Variants in KIRREL3 observed in about 807,000 individuals in gnomAD.
KIRREL3 encodes the protein kirre like nephrin family adhesion molecule 3.
Under a neutral mutation model 89.7 loss-of-function variants are expected in KIRREL3, and 36 were observed. The observed-to-expected ratio is 0.40, with a 90% CI of 0.31 to 0.53. The LOEUF is 0.53. KIRREL3 is among the 20% of genes least tolerant of loss of function. KIRREL3 has a pLI of 0.49. For missense variants in KIRREL3, 864 were observed against 1,056.6 expected (o/e 0.82, Z 2.53); for synonymous variants, 445 against 441.4 (o/e 1.01, Z -0.10).
At position 126,541,590 on chromosome 11, in the gene KIRREL3, G is replaced by T. The variant is rs1201674713; in HGVS notation, c.134-14903C>A. On this transcript the variant is annotated intron_variant, in intron 2 of 16. Transcript: ENST00000525144. This position sits in a 1 kb window ranked among gnomAD's most constrained non-coding sequence, Gnocchi z 4.8. ...ACGGTTCTAAAACTTCCATGTGCAT[G>T]AGGATCACCTGGGGGACTGGCTAAA... Among the ~76,000 whole-genome samples the T allele has an allele frequency of 6.6e-6, 1 of 152,212 alleles. No homozygotes were observed. Among genetic ancestry groups the T allele is most frequent in the East Asian group, 1.9e-4 (1 of 5,204 alleles).
In KIRREL3 at chr11:126,462,420, T is replaced by A. The variant is rs1446656926; in HGVS notation, c.742+737A>T. The stretch of plus-strand genomic sequence containing the variant: ...TGGCTCACATCTGTAATCCCAGCAC[T>A]TTAGGAGGCCAAGGCGGGCGGAACA... On this transcript the variant is annotated intron_variant, in intron 6 of 16. Coordinates refer to ENST00000525144, the MANE Select transcript of KIRREL3 (RefSeq NM_032531.4). The surrounding 1 kb of genome is among the most constrained non-coding windows in gnomAD (Gnocchi z 4.8). 1.3e-5 allele frequency among the ~76,000 whole-genome samples: 2 copies of A among 152,208 alleles called. No homozygotes were observed. Among genetic ancestry groups the A allele is most frequent in the African/African-American group, 4.8e-5 (2 of 41,452 alleles).
chr11:126,516,096 A>AAACT lies in KIRREL3; in HGVS notation c.433+5215_433+5218dup, dbSNP rs1166425814. Among the ~76,000 whole-genome samples the AAACT allele has an allele frequency of 1.3e-5, 2 of 152,226 alleles. No individual in the cohort carries two copies. The highest frequency in any genetic ancestry group is 2.9e-5 in the Non-Finnish European group (2 of 68,046). On this transcript the variant is annotated intron_variant, in intron 4 of 16. Coordinates refer to ENST00000525144, the MANE Select transcript of KIRREL3 (RefSeq NM_032531.4). The surrounding 1 kb of genome is among the most constrained non-coding windows in gnomAD (Gnocchi z 4.9). ...AAGGGAGCTTGTGGTTTTGAAAAAC[A>AAACT]AACTAGTTAAGGACACGTCACAGAT...
chr11:126,749,747 A>T (rs1187987531), intron 1 of KIRREL3, among the ~76,000 whole-genome samples: 7 of 152,296 alleles, frequency 4.6e-5, no homozygotes, highest in African/African-American at 1.7e-4. Context: ...GAGGTGAGGA[A>T]GGTGAAAGTG....
In KIRREL3 at chr11:126,683,395, G is replaced by A. The variant is rs918931066; in HGVS notation, c.56-120483C>T. 1.3e-5 allele frequency among the ~76,000 whole-genome samples: 2 copies of A among 152,178 alleles called. No individual in the cohort carries two copies. Among genetic ancestry groups the A allele is most frequent in the Non-Finnish European group, 2.9e-5 (2 of 68,026 alleles). ...TCTCTGGACAGCTCCCCAGAGGGCC[G>A]TGGTCCACAAAGGGAAACACTGTCC... On this transcript the variant is annotated intron_variant, in intron 1 of 16. Coordinates refer to ENST00000525144, the MANE Select transcript of KIRREL3 (RefSeq NM_032531.4). This position sits in a 1 kb window ranked among gnomAD's most constrained non-coding sequence, Gnocchi z 5.2.
intron 1 of KIRREL3, among the ~76,000 whole-genome samples, chr11:126,698,663 G>T (rs1277564905): frequency 6.6e-6 from 1 of 152,272 alleles, no homozygotes; most frequent in East Asian, 1.9e-4. Context: ...TGAAAGAGAA[G>T]AAGCCAGCCG....
Position 126,715,759 on chromosome 11 carries a change from G to A in KIRREL3, c.56-152847C>T, listed in dbSNP as rs1445158409. Among the ~76,000 whole-genome samples, 1 of 152,180 alleles carries A rather than the reference G, an allele frequency of 6.6e-6. No homozygotes were observed. Among genetic ancestry groups the A allele is most frequent in the Non-Finnish European group, 1.5e-5 (1 of 68,036 alleles). On this transcript the variant is annotated intron_variant, in intron 1 of 16. Transcript: ENST00000525144. This position sits in a 1 kb window ranked among gnomAD's most constrained non-coding sequence, Gnocchi z 4.4. The stretch of plus-strand genomic sequence containing the variant: ...CAAACATCAGAGAGACTGCACAAGA[G>A]CAAGAGGGAAGACAGAGAATGTTCA...
Position 126,455,080 on chromosome 11 carries a change from C to A in KIRREL3, c.848+1269G>T, listed in dbSNP as rs1387488933. ...TTCCCTGTTCTCCATTCCCACAGGC[C>A]GGCTTATTTCCTAGGCTGGCACCAT... On this transcript the variant is annotated intron_variant, in intron 7 of 16. Coordinates refer to ENST00000525144, the MANE Select transcript of KIRREL3 (RefSeq NM_032531.4). This position sits in a 1 kb window ranked among gnomAD's most constrained non-coding sequence, Gnocchi z 6.4. Among the ~76,000 whole-genome samples, 1 of 152,174 alleles carries A rather than the reference C, an allele frequency of 6.6e-6. No homozygotes were observed. The highest frequency in any genetic ancestry group is 3.2e-3 in the Middle Eastern group (1 of 316).
At chr11:126,444,485 C>T (rs539759260) in intron 10 of KIRREL3, among the ~76,000 whole-genome samples, 9 of 152,260 alleles carry the variant, frequency 5.9e-5, no homozygotes, top group Middle Eastern at 3.4e-3. Context: ...ATTAGCTGGG[C>T]GTAGTGGCAC....
At chr11:126,841,050 T>A (rs1015192833) in intron 1 of KIRREL3, among the ~76,000 whole-genome samples, 4 of 152,242 alleles carry the variant, frequency 2.6e-5, no homozygotes, top group African/African-American at 9.6e-5. Context: ...TTGTTGTTAA[T>A]CTCTTACTGT....
At chr11:126,577,906 T>C (rs1424595944) in intron 1 of KIRREL3, among the ~76,000 whole-genome samples, 1 of 152,158 alleles carries the variant, frequency 6.6e-6, no homozygotes, top group Admixed American at 6.5e-5. Flanking sequence ...GGTTAATCAG[T>C]GCCATTCTCA....
At position 126,574,244 on chromosome 11, in the gene KIRREL3, C is replaced by A. The variant is rs1435457577; in HGVS notation, c.56-11332G>T. Among the ~76,000 whole-genome samples, 2 of 152,196 alleles carry A rather than the reference C, an allele frequency of 1.3e-5. No homozygotes were observed. The highest frequency in any genetic ancestry group is 1.9e-4 in the East Asian group (1 of 5,196). On this transcript the variant is annotated intron_variant, in intron 1 of 16. Coordinates refer to ENST00000525144, the MANE Select transcript of KIRREL3 (RefSeq NM_032531.4). The surrounding 1 kb of genome is among the most constrained non-coding windows in gnomAD (Gnocchi z 5.3). ...CCACAACCTCCCTTGCTCAAAATCA[C>A]CCTGCTGCTAATGGCAGGGCTAGGA...
chr11:126,967,500 C>T (rs1949304806), intron 1 of KIRREL3, among the ~76,000 whole-genome samples: 1 of 152,122 alleles, frequency 6.6e-6, no homozygotes, highest in African/African-American at 2.4e-5. Context: ...CCTTCAGGTG[C>T]CCTTTTCTAT....
At chr11:126,864,155 T>C (rs1944843853) in intron 1 of KIRREL3, among the ~76,000 whole-genome samples, 1 of 152,176 alleles carries the variant, frequency 6.6e-6, no homozygotes, top group Non-Finnish European at 1.5e-5. Flanking sequence ...AGCCCTTCCT[T>C]ATCTATTTTT....
At chr11:126,440,797 A>G in intron 10 of KIRREL3, 1 of 576,502 alleles carries the variant, frequency 1.7e-6, no homozygotes, top group Non-Finnish European at 3.1e-6. Flanking sequence ...AAATAACTGT[A>G]ATAAAAGGTG....
In KIRREL3 at chr11:126,755,611, C is replaced by A. The variant is rs1949467580; in HGVS notation, c.56-192699G>T. On this transcript the variant is annotated intron_variant, in intron 1 of 16. Transcript: ENST00000525144. The surrounding 1 kb of genome is among the most constrained non-coding windows in gnomAD (Gnocchi z 4.3). Reference sequence around the variant, plus strand: ...GCCTACAATAGGAAAGGTCTGCGTGCTGACACTCTCAACTTCCCTGAGTGC... The same window carrying A: ...GCCTACAATAGGAAAGGTCTGCGTGATGACACTCTCAACTTCCCTGAGTGC... 6.6e-6 allele frequency among the ~76,000 whole-genome samples: 1 copy of A among 152,180 alleles called. No homozygotes were observed. The highest frequency in any genetic ancestry group is 2.4e-5 in the African/African-American group (1 of 41,432).
At chr11:126,840,458 G>A (rs1296820897) in intron 1 of KIRREL3, among the ~76,000 whole-genome samples, 1 of 152,136 alleles carries the variant, frequency 6.6e-6, no homozygotes, top group Admixed American at 6.6e-5. Context: ...GATGGAGTTA[G>A]AAAATAATCA....
intron 1 of KIRREL3, among the ~76,000 whole-genome samples, chr11:126,621,139 T>A (rs982235541): frequency 6.6e-6 from 1 of 152,232 alleles, no homozygotes; most frequent in Non-Finnish European, 1.5e-5. Flanking sequence ...AGGAAAAAAG[T>A]ATTTGATGTA....
intron 1 of KIRREL3, among the ~76,000 whole-genome samples, chr11:126,827,383 G>A (rs764974825): frequency 6.6e-5 from 10 of 152,022 alleles, no homozygotes; most frequent in Non-Finnish European, 1.5e-5. Context: ...TCACCATATT[G>A]GCCAGGCTGG....
At chr11:126,828,182 G>C (rs182274358) in intron 1 of KIRREL3, among the ~76,000 whole-genome samples, 1 of 152,212 alleles carries the variant, frequency 6.6e-6, no homozygotes, top group Non-Finnish European at 1.5e-5. Context: ...CACCCATGCT[G>C]TTTATTACTC....
Sources: gnomAD v4.1 joint callset for allele counts (sites outside exome capture counted in the v4.1 genomes callset) on GRCh38, gnomAD v4.1.1 for gene constraint, Gnocchi (gnomAD v3.1) non-coding constraint, MANE v1.5 for transcripts, NCBI Gene and HGNC (gene_info 2026-07-23, HGNC 2026-07-21) for gene names.